PPP6C: variants seen among roughly 807,000 people sequenced by gnomAD.
PPP6C encodes serine/threonine-protein phosphatase 6 catalytic subunit.
Under a neutral mutation model 39.8 loss-of-function variants are expected in PPP6C, and 11 were observed. The observed-to-expected ratio is 0.28, with a 90% CI of 0.17 to 0.46. PPP6C has a LOEUF of 0.46. Ranked by LOEUF, PPP6C falls within the 20% of genes least tolerant of loss-of-function variation. The pLI is 1.00. For synonymous variants in PPP6C, 129 were observed against 130.3 expected, an observed-to-expected ratio of 0.99 and a Z score of 0.07; for missense variants, 211 against 373.9, an observed-to-expected ratio of 0.56 and a Z score of 3.59.
chr9:125,171,235 TA>T, intron 1 of PPP6C, 55 bp from the exon 2 acceptor site: 1 of 1,376,470 alleles, frequency 7.3e-7, no homozygotes. Context: ...AAACTAAAGA[TA>T]AAATACCAAA....
At chr9:125,151,530 C>A (rs1588270851) in intron 6 of PPP6C, 2 of 804,564 alleles carry the variant, frequency 2.5e-6, no homozygotes, top group Admixed American at 1.7e-5. Flanking sequence ...CTTGCAGAAG[C>A]CATCAGGAAA....
intron 6 of PPP6C, among the ~76,000 whole-genome samples, chr9:125,153,316 T>C (rs570157580): frequency 6.6e-6 from 1 of 152,262 alleles, no homozygotes; most frequent in East Asian, 1.9e-4. Flanking sequence ...CTTTATACAT[T>C]ATTACCAAAT....
intron 4 of PPP6C, among the ~76,000 whole-genome samples, chr9:125,156,437 C>G (rs911860797): frequency 3.9e-5 from 6 of 152,072 alleles, no homozygotes; most frequent in African/African-American, 1.4e-4. Context: ...CCATGCCCAG[C>G]TAATTTTTGT....
chr9:125,165,792 T>C (rs1022069527), intron 2 of PPP6C, among the ~76,000 whole-genome samples: 1 of 139,402 alleles, frequency 7.2e-6, no homozygotes, highest in Non-Finnish European at 1.6e-5. Flanking sequence ...CAGTAATCTT[T>C]TGCTTTTTTT....
intron 2 of PPP6C, among the ~76,000 whole-genome samples, chr9:125,166,541 T>TTA (rs1013286310): frequency 6.6e-6 from 1 of 150,910 alleles, no homozygotes; most frequent in African/African-American, 2.4e-5. Context: ...TTTTCTTTTT[T>TTA]TTTTTTTTTT....
rs147014650 is a variant in PPP6C at position 125,174,662 on chromosome 9, C to T, written c.76-3482G>A. 6.6e-5 allele frequency among the ~76,000 whole-genome samples: 10 copies of T among 151,744 alleles called. No individual in the cohort carries two copies. In the East Asian group the frequency reaches 1.9e-3, roughly 30 times the overall value. On this transcript the variant is annotated intron_variant, in intron 1 of 6. Coordinates refer to ENST00000373547, the MANE Select transcript of PPP6C (RefSeq NM_002721.5). ...TGGTGGCTCACACCTATAATTCCAGCACTTTAGGAGGCTCAGGCAGGTGGA... is the reference window on the plus strand; with the variant it reads ...TGGTGGCTCACACCTATAATTCCAGTACTTTAGGAGGCTCAGGCAGGTGGA...
intron 1 of PPP6C, among the ~76,000 whole-genome samples, chr9:125,188,401 C>A (rs1829578509): frequency 6.6e-6 from 1 of 151,762 alleles, no homozygotes; most frequent in Non-Finnish European, 1.5e-5. Context: ...AAAGAATACA[C>A]TGAGTCGGTT....
At chr9:125,164,747 A>AT (rs1399985960) in intron 2 of PPP6C, among the ~76,000 whole-genome samples, 5 of 150,936 alleles carry the variant, frequency 3.3e-5, no homozygotes, top group South Asian at 2.1e-4. Flanking sequence ...TGGGAAGTGG[A>AT]TTTTTTTTTG....
chr9:125,154,967 G>A (rs567594113), intron 4 of PPP6C, among the ~76,000 whole-genome samples: 13 of 152,272 alleles, frequency 8.5e-5, no homozygotes, highest in Admixed American at 4.6e-4. Flanking sequence ...ATCAGCAGTG[G>A]CGCGATCACA....
chr9:125,174,898 T>C (rs775206462), intron 1 of PPP6C, among the ~76,000 whole-genome samples: 3 of 149,346 alleles, frequency 2.0e-5, no homozygotes, highest in South Asian at 2.1e-4. Flanking sequence ...GGCGACAGAG[T>C]GAGAACCTAT....
Position 125,160,832 on chromosome 9 carries a change from T to C in PPP6C, c.237+9A>G, listed in dbSNP as rs750024165. On this transcript the variant is annotated intron_variant, in intron 3 of 6. Coordinates refer to ENST00000373547, the MANE Select transcript of PPP6C (RefSeq NM_002721.5). ...AAACAAGCACTTGATATCACTGGTGTTTACATACCATAAATATGTAGTTTG... is the reference window on the plus strand; with the variant it reads ...AAACAAGCACTTGATATCACTGGTGCTTACATACCATAAATATGTAGTTTG... 9.6e-6 allele frequency: 15 copies of C among 1,557,978 alleles called. No homozygotes were observed. Among genetic ancestry groups the C allele is most frequent in the Non-Finnish European group, 1.3e-5 (15 of 1,148,358 alleles).
At chr9:125,179,717 G>A (rs564274015) in intron 1 of PPP6C, among the ~76,000 whole-genome samples, 1 of 149,416 alleles carries the variant, frequency 6.7e-6, no homozygotes, top group Non-Finnish European at 1.5e-5. Flanking sequence ...GTGCAATGGC[G>A]TGATATTGGC....
intron 6 of PPP6C, chr9:125,150,641 G>A: frequency 1.0e-6 from 1 of 972,622 alleles, no homozygotes; most frequent in Non-Finnish European, 1.5e-6. Flanking sequence ...TAGGGTAGTT[G>A]GCCAGGATCC....
intron 1 of PPP6C, among the ~76,000 whole-genome samples, chr9:125,182,354 T>C (rs1425192100): frequency 6.6e-6 from 1 of 151,996 alleles, no homozygotes; most frequent in East Asian, 1.9e-4. Context: ...AAAAAAAAGA[T>C]CTCACTGCCA....
At chr9:125,172,337 C>T (rs1829189095) in intron 1 of PPP6C, among the ~76,000 whole-genome samples, 2 of 152,074 alleles carry the variant, frequency 1.3e-5, no homozygotes, top group African/African-American at 4.8e-5. Flanking sequence ...GCCTCAGTCT[C>T]ACAAGTACCT....
At chr9:125,189,598 C>T (rs772036806) in intron 1 of PPP6C, 46 bp downstream of exon 1, 3 of 1,609,078 alleles carry the variant, frequency 1.9e-6, no homozygotes, top group Admixed American at 3.4e-5. Flanking sequence ...GGCCGGCCGG[C>T]GGGCGCCCCA....
Position 125,153,654 on chromosome 9 carries a change from T to C in PPP6C, c.548A>G (p.Gln183Arg). ...AAATGCTCCTTTATGAGGAATTTCC[T>C]GATTCCGTTCGATGGTTCGAATTTG... is the stretch of plus-strand genomic sequence containing the variant. ...LDQIRTIERN[Q>R]EIPHKGAFCD... The change falls in exon 6 of 7, where the codon CAG becomes CGG. Residue 183 changes from glutamine to arginine, a missense_variant. Transcript: ENST00000373547. The C allele has an allele frequency of 6.2e-7, 1 of 1,614,246 alleles. No homozygotes were observed. Among genetic ancestry groups the C allele is most frequent in the Non-Finnish European group, 8.5e-7 (1 of 1,180,038 alleles).
chr9:125,155,428 A>G (rs1201420009), intron 4 of PPP6C, among the ~76,000 whole-genome samples: 2 of 152,204 alleles, frequency 1.3e-5, no homozygotes, highest in African/African-American at 2.4e-5. Flanking sequence ...TAAACTTGCC[A>G]TAAGAGAGCC....
At chr9:125,155,794 A>G (rs1836054333) in intron 4 of PPP6C, among the ~76,000 whole-genome samples, 1 of 151,808 alleles carries the variant, frequency 6.6e-6, no homozygotes, top group African/African-American at 2.4e-5. Context: ...AGTCCCAGCT[A>G]CTTGGGAGGC....
Sources: gnomAD v4.1 joint callset for allele counts (sites outside exome capture counted in the v4.1 genomes callset) on GRCh38, gnomAD v4.1.1 for gene constraint, MANE v1.5 for transcripts, NCBI Gene and HGNC (gene_info 2026-07-23, HGNC 2026-07-21) for gene names.